The following NLGN1 variants were observed in gnomAD, a reference collection of about 807,000 sequenced individuals.
NLGN1 encodes the protein neuroligin-1.
In NLGN1, 12 loss-of-function variants were observed where a neutral mutation model predicts 65.5. The ratio of observed to expected loss-of-function variants is 0.18; its 90% CI spans 0.12 to 0.30. NLGN1 has a LOEUF of 0.30. NLGN1 is among the 10% of genes least tolerant of loss of function. The pLI is 1.00. For synonymous variants in NLGN1, 350 were observed against 359.5 expected, an observed-to-expected ratio of 0.97 and a Z score of 0.30; for missense variants, 750 against 1,007.1, an observed-to-expected ratio of 0.74 and a Z score of 3.46.
chr3:174,154,728 T>C (rs1263629450), intron 4 of NLGN1, among the ~76,000 whole-genome samples: 1 of 151,230 alleles, frequency 6.6e-6, no homozygotes, highest in African/African-American at 2.4e-5. Flanking sequence ...TGTGTGTATA[T>C]GTAGATGGTT....
At chr3:174,264,534 C>A (rs1747620044) in intron 4 of NLGN1, among the ~76,000 whole-genome samples, 1 of 150,558 alleles carries the variant, frequency 6.6e-6, no homozygotes. Flanking sequence ...TCAGCTCCAT[C>A]AGCTCCTTTA....
At chr3:173,669,674 G>A (rs1464225044) in intron 3 of NLGN1, among the ~76,000 whole-genome samples, 49 of 152,186 alleles carry the variant, frequency 3.2e-4, no homozygotes, top group Non-Finnish European at 2.9e-5. Flanking sequence ...AGGTGAATTT[G>A]TGGGGACACA....
At chr3:173,579,748 A>G (rs1452536500) in intron 2 of NLGN1, among the ~76,000 whole-genome samples, 1 of 152,196 alleles carries the variant, frequency 6.6e-6, no homozygotes, top group Non-Finnish European at 1.5e-5. Context: ...TAGAACTTAC[A>G]ATGTTGCACC....
chr3:173,752,401 T>G (rs952537202), intron 3 of NLGN1, among the ~76,000 whole-genome samples: 1 of 152,010 alleles, frequency 6.6e-6, no homozygotes, highest in African/African-American at 2.4e-5. Context: ...CCCTCCCTGA[T>G]CTTGCTGTCA....
At chr3:173,883,598 A>C (rs555248922) in intron 4 of NLGN1, among the ~76,000 whole-genome samples, 1 of 152,260 alleles carries the variant, frequency 6.6e-6, no homozygotes, top group African/African-American at 2.4e-5. Flanking sequence ...AAACTGCAAT[A>C]TCTACAAAGT....
At chr3:174,127,324 G>T (rs7627659) in intron 4 of NLGN1, among the ~76,000 whole-genome samples, 43,760 of 151,830 alleles carry the variant, frequency 0.29, 8,445 homozygotes, top group African/African-American at 0.56. Context: ...GTGATCCAAG[G>T]GTGTGGTTAT....
intron 3 of NLGN1, among the ~76,000 whole-genome samples, chr3:173,779,943 A>G (rs891905775): frequency 2.0e-5 from 3 of 152,142 alleles, no homozygotes; most frequent in Admixed American, 1.3e-4. Context: ...AACTTCCTTT[A>G]TCCCTTTTTT....
At chr3:174,035,087 T>G (rs186338333) in intron 4 of NLGN1, among the ~76,000 whole-genome samples, 68 of 152,312 alleles carry the variant, frequency 4.5e-4, no homozygotes, top group Admixed American at 3.4e-3. Flanking sequence ...AAGCACCTGC[T>G]CTGTGTCTAA....
intron 2 of NLGN1, among the ~76,000 whole-genome samples, chr3:173,580,132 A>C (rs931130351): frequency 6.6e-6 from 1 of 152,186 alleles, no homozygotes. Context: ...TTCAAAAAAA[A>C]CCCCACCTTT....
At chr3:173,465,074 C>T (rs1724092071) in intron 2 of NLGN1, among the ~76,000 whole-genome samples, 1 of 152,102 alleles carries the variant, frequency 6.6e-6, no homozygotes, top group Non-Finnish European at 1.5e-5. Flanking sequence ...ATTCCACTTC[C>T]TGATAATACG....
At chr3:173,426,465 G>T (rs1293283496) in intron 1 of NLGN1, among the ~76,000 whole-genome samples, 1 of 151,766 alleles carries the variant, frequency 6.6e-6, no homozygotes, top group Non-Finnish European at 1.5e-5. Flanking sequence ...GTTAGCTATG[G>T]GTTTGTCATA....
Position 173,788,206 on chromosome 3 carries a change from CAAAAAAA to C in NLGN1, c.494-19459_494-19453del, listed in dbSNP as rs537790655. 5.7e-3 allele frequency among the ~76,000 whole-genome samples: 347 copies of C among 60,850 alleles called. 2 individuals carry two copies. Among genetic ancestry groups the C allele is most frequent in the African/African-American group, 0.017 (315 of 18,554 alleles). The allele number at this position is 60,850 out of a possible 152,430, so 39.9% of individuals were successfully genotyped here. ...CTATAAACCCAGACTTGACATTTTG[CAAAAAAA>C]AAAAAAAAAAAAAAGAAAAAGTTTA... On this transcript the variant is annotated intron_variant, in intron 3 of 6. Transcript: ENST00000457714.
exon 7 of NLGN1, chr3:174,286,129 T>C (rs1170389485): frequency 1.3e-5 from 2 of 151,384 alleles, no homozygotes; most frequent in Non-Finnish European, 3.0e-5. Context: ...TATTTTTTTC[T>C]AGTCAGCTAT....
chr3:173,682,461 T>G (rs1265617898), intron 3 of NLGN1, among the ~76,000 whole-genome samples: 1 of 151,704 alleles, frequency 6.6e-6, no homozygotes, highest in Non-Finnish European at 1.5e-5. Context: ...TGGTGGCACA[T>G]GCCTGTAGTC....
chr3:173,628,087 G>A lies in NLGN1; in HGVS notation c.493+22996G>A, dbSNP rs563967177. On this transcript the variant is annotated intron_variant, in intron 3 of 6. Coordinates refer to ENST00000457714, the Ensembl canonical transcript of NLGN1. ...GCTGGGAGTTTAAGCACTGAAAATA[G>A]TCCGTACTGACTGGGGCCTGTCCCA... Among the ~76,000 whole-genome samples the A allele has an allele frequency of 3.9e-5, 6 of 152,258 alleles. No homozygotes were observed. In the East Asian group the frequency reaches 9.7e-4, roughly 25 times the overall value.
intron 4 of NLGN1, among the ~76,000 whole-genome samples, chr3:173,968,784 T>A (rs1401533557): frequency 2.8e-5 from 4 of 141,572 alleles, no homozygotes; most frequent in Non-Finnish European, 6.0e-5. Context: ...CTGCAACCTC[T>A]GCCTCCCAGG....
chr3:173,448,595 T>C (rs954333396), intron 2 of NLGN1, among the ~76,000 whole-genome samples: 16 of 152,342 alleles, frequency 1.1e-4, no homozygotes, highest in African/African-American at 3.6e-4. Flanking sequence ...TTAGGGAGGA[T>C]TCCCTCTTTT....
At chr3:173,706,003 G>A (rs1029346742) in intron 3 of NLGN1, among the ~76,000 whole-genome samples, 1 of 152,184 alleles carries the variant, frequency 6.6e-6, no homozygotes, top group South Asian at 2.1e-4. Context: ...TGTGTTATGA[G>A]TTTATGACAA....
intron 4 of NLGN1, among the ~76,000 whole-genome samples, chr3:174,231,280 C>G (rs559591805): frequency 6.6e-6 from 1 of 152,044 alleles, no homozygotes; most frequent in African/African-American, 2.4e-5. Flanking sequence ...GGAAATTCGC[C>G]GAGACTCCGG....
Sources: gnomAD v4.1 joint callset for allele counts (sites outside exome capture counted in the v4.1 genomes callset) on GRCh38, gnomAD v4.1.1 for gene constraint, MANE v1.5 for transcripts, NCBI Gene and HGNC (gene_info 2026-07-23, HGNC 2026-07-21) for gene names.